The following ZNF846 variants were observed in gnomAD, a reference collection of about 807,000 sequenced individuals.
ZNF846 encodes zinc finger protein 420 pseudogene.
A neutral mutation model predicts 16.0 loss-of-function variants in ZNF846; 15 were observed. The ratio of observed to expected loss-of-function variants is 0.94; its 90% CI spans 0.63 to 1.45. The LOEUF (loss-of-function observed/expected upper bound fraction) is 1.45. Ranked by LOEUF, ZNF846 falls within the 40% of genes most tolerant of loss-of-function variation. The pLI is 0.00. For synonymous variants in ZNF846, 229 were observed against 212.0 expected (o/e 1.08, Z -0.70); for missense variants, 714 against 622.3 (o/e 1.15, Z -1.57).
intron 1 of ZNF846, among the ~76,000 whole-genome samples, chr19:9,782,800 A>G (rs1228019915): frequency 1.3e-5 from 2 of 152,238 alleles, no homozygotes; most frequent in Non-Finnish European, 2.9e-5. Flanking sequence ...AGGACACCAT[A>G]TGCATTTGAA....
rs201287027 is a variant in ZNF846 at position 9,758,089 on chromosome 19, G to A, written c.988C>T (p.Arg330Ter). The A allele has an allele frequency of 1.3e-4, 215 of 1,613,062 alleles. No individual in the cohort carries two copies. The highest frequency in any genetic ancestry group is 4.9e-4 in the East Asian group (22 of 44,860). ...TATGGCTTTTCTCCAGTGTGAATTCGCATGTGTAAAATAAGTCCTGTGGAT... is the reference window on the plus strand; with the variant it reads ...TATGGCTTTTCTCCAGTGTGAATTCACATGTGTAAAATAAGTCCTGTGGAT... Residue 330 changes from arginine (R) to a stop codon, truncating the protein, a stop_gained, in exon 6 of 6, where the codon CGA (arginine) becomes TGA (stop). Coordinates refer to ENST00000397902, the Ensembl canonical transcript of ZNF846. LOFTEE classifies it low-confidence loss of function (END_TRUNC).
chr19:9,752,167 A>G (rs1327790801), exon 6 of ZNF846: 1 of 154,434 alleles, frequency 6.5e-6, no homozygotes, highest in Admixed American at 6.5e-5. Flanking sequence ...ATTTTGTACC[A>G]ATAGTCTAGT....
At position 9,758,875 on chromosome 19, in the gene ZNF846, T is replaced by G. The variant is rs966498582; in HGVS notation, c.313-111A>C. Reference sequence around the variant, plus strand: ...GGAAATATATTTAAACATTTTAACATATCCATTATATGTACAGAGTTCCAG... The same window carrying G: ...GGAAATATATTTAAACATTTTAACAGATCCATTATATGTACAGAGTTCCAG... On this transcript the variant is annotated intron_variant, in intron 5 of 5. Coordinates refer to ENST00000397902, the Ensembl canonical transcript of ZNF846. The G allele has an allele frequency of 3.3e-6, 3 of 912,460 alleles. No homozygotes were observed. In the African/African-American group the frequency reaches 5.2e-5, roughly 16 times the overall value. The allele number at this position is 912,460 out of a possible 1,614,324, so 56.5% of individuals were successfully genotyped here. A position where few individuals can be genotyped will look rare whatever the true frequency, so the allele number is the denominator to read the frequency against.
intron 1 of ZNF846, among the ~76,000 whole-genome samples, chr19:9,776,525 C>T (rs941773305): frequency 6.6e-6 from 1 of 152,254 alleles, no homozygotes; most frequent in African/African-American, 2.4e-5. Context: ...ACACGTGACC[C>T]ACGTGACCTT....
At chr19:9,768,901 G>A (rs2045363058), upstream of ZNF846, among the ~76,000 whole-genome samples, 1 of 152,094 alleles carries the variant, frequency 6.6e-6, no homozygotes. Flanking sequence ...CGCATCCCAG[G>A]TGGACCAGGA....
chr19:9,751,586 T>C (rs2045083766), downstream of ZNF846, among the ~76,000 whole-genome samples: 2 of 151,682 alleles, frequency 1.3e-5, no homozygotes, highest in Non-Finnish European at 2.9e-5. Context: ...CTTCTGAATG[T>C]ACTTTGTAAC....
At chr19:9,780,060 G>GTT (rs573248147) in intron 1 of ZNF846, among the ~76,000 whole-genome samples, 4 of 122,986 alleles carry the variant, frequency 3.3e-5, no homozygotes, top group African/African-American at 6.2e-5. Context: ...TTTTTTTTTT[G>GTT]TTTTTTTTTT....
chr19:9,756,345 G>GTATATATATA (rs369347660), downstream of ZNF846: 294 of 81,670 alleles, frequency 3.6e-3, 4 homozygotes, highest in Middle Eastern at 0.014. Context: ...GTGTGTGTGT[G>GTATATATATA]TATATATATA....
chr19:9,775,140 A>G (rs2045425928), intron 1 of ZNF846, among the ~76,000 whole-genome samples: 1 of 152,076 alleles, frequency 6.6e-6, no homozygotes, highest in Non-Finnish European at 1.5e-5. Flanking sequence ...CTGTAAAGAA[A>G]GGATTAAAAT....
intron 2 of ZNF846, among the ~76,000 whole-genome samples, chr19:9,764,360 G>T (rs2045280373): frequency 1.3e-5 from 2 of 152,192 alleles, no homozygotes; most frequent in South Asian, 4.1e-4. Flanking sequence ...TGGAAAGATT[G>T]TGTTTCTGTT....
chr19:9,759,964 A>C, intron 4 of ZNF846, 22 bp from the exon 5 acceptor site: 1 of 1,593,028 alleles, frequency 6.3e-7, no homozygotes, highest in Non-Finnish European at 8.6e-7. Context: ...TGAAAAATGC[A>C]GCTTGGGAGA....
chr19:9,753,248 AT>A (rs1254259055), downstream of ZNF846, among the ~76,000 whole-genome samples: 1 of 126,974 alleles, frequency 7.9e-6, no homozygotes, highest in Non-Finnish European at 1.8e-5. Context: ...TTATTTATTT[AT>A]TTATTTATTT....
At chr19:9,758,636 A>C in exon 6 of ZNF846, 1 of 1,613,112 alleles carries the variant, frequency 6.2e-7, no homozygotes, top group Non-Finnish European at 8.5e-7. Context: ...AGGCTTTTCC[A>C]CTCTGATTAT....
At chr19:9,757,975 A>T in exon 6 of ZNF846, 4 of 1,613,714 alleles carry the variant, frequency 2.5e-6, no homozygotes, top group Non-Finnish European at 3.4e-6. Context: ...CATGCCTTAC[A>T]TAAATACAGC....
chr19:9,784,864 C>G (rs1306270447), intron 1 of ZNF846, among the ~76,000 whole-genome samples: 1 of 152,176 alleles, frequency 6.6e-6, no homozygotes, highest in Non-Finnish European at 1.5e-5. Context: ...ATCCATTAAA[C>G]CTTGAGTCAA....
chr19:9,758,058 C>G, exon 6 of ZNF846: 3 of 1,613,572 alleles, frequency 1.9e-6, no homozygotes, highest in Non-Finnish European at 2.5e-6. Context: ...ACACTCCTTA[C>G]ATTCATATGG....
chr19:9,755,835 T>TAAAAAA (rs2045128459), downstream of ZNF846, among the ~76,000 whole-genome samples: 4 of 79,510 alleles, frequency 5.0e-5, no homozygotes, highest in African/African-American at 1.4e-4. Flanking sequence ...AAAAAAAAAG[T>TAAAAAA]ATTACCAGAT....
chr19:9,761,452 C>T lies in ZNF846; in HGVS notation c.229+630G>A, dbSNP rs139964916. On this transcript the variant is annotated intron_variant, in intron 4 of 5. Coordinates refer to ENST00000397902, the Ensembl canonical transcript of ZNF846. ...ATATGGTGTCAAAACTATCACTACA[C>T]CTGTAATGCCAGCACTTTGGGAGGC... Among the ~76,000 whole-genome samples, 162 of 152,104 alleles carry T rather than the reference C, an allele frequency of 1.1e-3. 2 individuals are homozygous for T. The South Asian group carries it at 0.021, about 20-fold the overall frequency.
intron 1 of ZNF846, among the ~76,000 whole-genome samples, chr19:9,782,247 G>A (rs938484608): frequency 1.4e-4 from 22 of 152,092 alleles, no homozygotes; most frequent in African/African-American, 4.3e-4. Context: ...AAAATGTGTC[G>A]TGTTAGCCAA....
Sources: gnomAD v4.1 joint callset for allele counts (sites outside exome capture counted in the v4.1 genomes callset) on GRCh38, gnomAD v4.1.1 for gene constraint, MANE v1.5 for transcripts, NCBI Gene and HGNC (gene_info 2026-07-23, HGNC 2026-07-21) for gene names.